Variants in ANKRD30B observed in about 807,000 individuals in gnomAD.
ANKRD30B encodes ankyrin repeat domain-containing protein 30B.
Under a neutral mutation model 202.2 loss-of-function variants are expected in ANKRD30B, and 144 were observed. That is an observed-to-expected ratio of 0.71 (90% CI 0.62 to 0.82). The LOEUF (loss-of-function observed/expected upper bound fraction) is 0.82, where lower values mean the gene tolerates loss of function less well. Ranked by LOEUF, ANKRD30B falls within the 40% of genes least tolerant of loss-of-function variation. ANKRD30B has a pLI of 0.00. For missense variants in ANKRD30B, 1,487 were observed against 1,669.1 expected (o/e 0.89, Z 1.90); for synonymous variants, 508 against 561.3 (o/e 0.91, Z 1.34).
the ANKRD30B span, among the ~76,000 whole-genome samples, chr18:14,921,171 C>G: frequency 7.3e-5 from 11 of 150,886 alleles, no homozygotes; most frequent in African/African-American, 2.7e-4. Context: ...TGTTTAGATA[C>G]AACTGCCTGT....
At chr18:14,765,466 A>G (rs1398442124) in intron 7 of ANKRD30B, among the ~76,000 whole-genome samples, 1 of 151,988 alleles carries the variant, frequency 6.6e-6, no homozygotes, top group Admixed American at 6.6e-5. Flanking sequence ...CCATCTGAAA[A>G]AAAAAAAAGA....
chr18:14,897,337 C>T, the ANKRD30B span, among the ~76,000 whole-genome samples: 4 of 152,064 alleles, frequency 2.6e-5, no homozygotes, highest in African/African-American at 7.2e-5. Flanking sequence ...TGCACCACCA[C>T]GCGCGCCTAA....
chr18:14,760,347 C>T (rs1319408412), intron 5 of ANKRD30B, among the ~76,000 whole-genome samples: 1 of 152,126 alleles, frequency 6.6e-6, no homozygotes, highest in Non-Finnish European at 1.5e-5. Context: ...GCCCTCAATT[C>T]ATGAGTATTT....
chr18:14,938,746 A>T, the ANKRD30B span, among the ~76,000 whole-genome samples: 715 of 152,302 alleles, frequency 4.7e-3, 8 homozygotes, highest in African/African-American at 0.016. Context: ...ATTGAAGATG[A>T]CTGTAAGAGG....
At chr18:14,903,040 C>T in the ANKRD30B span, among the ~76,000 whole-genome samples, 3 of 152,118 alleles carry the variant, frequency 2.0e-5, no homozygotes, top group Admixed American at 6.6e-5. Flanking sequence ...GGGCTAAAAT[C>T]GAGGTATTTT....
In ANKRD30B at chr18:14,748,446, C is replaced by T; in HGVS notation, c.27C>T (p.Gly9=). The part of the protein sequence containing the change: MKRLLAAA[G]KGVRGPEPPN... ...TGAAGAGGCTCTTAGCTGCCGCTGG[C>T]AAGGGCGTGCGGGGCCCGGAGCCCC... Residue 9 remains glycine, a synonymous_variant, in exon 1 of 44, where the codon GGC becomes GGT. Coordinates refer to ENST00000690538, the MANE Select transcript of ANKRD30B (RefSeq NM_001367607.2). The T allele has an allele frequency of 6.6e-7, 1 of 1,523,630 alleles. No homozygotes were observed. The highest frequency in any genetic ancestry group is 8.8e-7 in the Non-Finnish European group (1 of 1,133,170). The allele number at this position is 1,523,630 out of a possible 1,614,324, so 94.4% of individuals were successfully genotyped here. A position where few individuals can be genotyped will look rare whatever the true frequency, so the allele number is the denominator to read the frequency against.
chr18:14,848,968 T>A (rs773399194), intron 40 of ANKRD30B, 39 bp downstream of exon 40: 1 of 1,451,286 alleles, frequency 6.9e-7, no homozygotes, highest in East Asian at 2.5e-5. Flanking sequence ...TTCAACTATT[T>A]ATACTAAAAG....
intron 16 of ANKRD30B, among the ~76,000 whole-genome samples, chr18:14,795,991 T>C (rs1358069398): frequency 3.3e-5 from 5 of 152,154 alleles, no homozygotes; most frequent in Non-Finnish European, 7.3e-5. Context: ...ATTTTGATTG[T>C]TAAAATCTCC....
chr18:14,810,255 C>A, intron 28 of ANKRD30B, 75 bp downstream of exon 28: 4 of 950,586 alleles, frequency 4.2e-6, no homozygotes, highest in Admixed American at 3.1e-5. Flanking sequence ...GCCTTTTATT[C>A]CCAAAGTTGT....
At chr18:14,845,729 G>T (rs1470473878) in intron 39 of ANKRD30B, among the ~76,000 whole-genome samples, 1 of 151,960 alleles carries the variant, frequency 6.6e-6, no homozygotes, top group Non-Finnish European at 1.5e-5. Flanking sequence ...AACATAAATT[G>T]AATTCTCACA....
At chr18:14,843,873 CTG>C (rs985892245) in intron 39 of ANKRD30B, among the ~76,000 whole-genome samples, 3 of 152,022 alleles carry the variant, frequency 2.0e-5, no homozygotes, top group African/African-American at 4.8e-5. Context: ...TTTGGTAAAA[CTG>C]TGATTCTGAA....
chr18:14,909,054 G>A, the ANKRD30B span, among the ~76,000 whole-genome samples: 1 of 152,166 alleles, frequency 6.6e-6, no homozygotes, highest in East Asian at 1.9e-4. Flanking sequence ...AGCCTTTGTC[G>A]TCTGATGGGA....
At chr18:14,759,060 T>C (rs1329549141) in intron 5 of ANKRD30B, 1 of 152,204 alleles carries the variant, frequency 6.6e-6, no homozygotes. Flanking sequence ...TTTTAAAATC[T>C]TTTCAAATTC....
chr18:14,903,759 T>G, the ANKRD30B span: 2 of 152,216 alleles, frequency 1.3e-5, no homozygotes, highest in East Asian at 3.9e-4. Flanking sequence ...TAAGCCACCC[T>G]CTGTCTCTCT....
In ANKRD30B at chr18:14,748,526, TC is replaced by T. The variant is rs761758773; in HGVS notation, c.108del (p.Phe36LeufsTer4). The T allele has an allele frequency of 7.1e-5, 110 of 1,552,626 alleles. No homozygotes were observed. The highest frequency in any genetic ancestry group is 5.7e-5 in the Non-Finnish European group (65 of 1,147,548). On this transcript the variant is annotated frameshift_variant, in exon 1 of 44. Transcript: ENST00000690538. LOFTEE classifies it high-confidence loss of function. ...GAGAAGGACTACGGGACCATCTACT[TC>T]GGGGATCTAGGGAAGATCCATACAG... ...YTEKDYGTIY[F>X]GDLGKIHTAA...
chr18:14,909,975 T>C, the ANKRD30B span: 1 of 152,098 alleles, frequency 6.6e-6, no homozygotes, highest in Admixed American at 6.5e-5. Flanking sequence ...TGGAGCCATG[T>C]TCTATGGCAG....
At chr18:14,892,022 T>C in the ANKRD30B span, among the ~76,000 whole-genome samples, 1 of 152,228 alleles carries the variant, frequency 6.6e-6, no homozygotes, top group Non-Finnish European at 1.5e-5. Flanking sequence ...AAAACTGTAA[T>C]TACCTTTGCA....
intron 24 of ANKRD30B, 124 bp from the exon 25 acceptor site, chr18:14,808,427 A>G: frequency 2.8e-6 from 3 of 1,061,822 alleles, no homozygotes; most frequent in Non-Finnish European, 4.3e-6. Context: ...AAGACCCCAA[A>G]ACCTAGTGTA....
the ANKRD30B span, among the ~76,000 whole-genome samples, chr18:14,924,995 T>A: frequency 6.6e-6 from 1 of 152,228 alleles, no homozygotes; most frequent in Admixed American, 6.5e-5. Flanking sequence ...AGGGCAGTTA[T>A]GAGCACTGAA....
Sources: gnomAD v4.1 joint callset for allele counts (sites outside exome capture counted in the v4.1 genomes callset) on GRCh38, gnomAD v4.1.1 for gene constraint, MANE v1.5 for transcripts, NCBI Gene and HGNC (gene_info 2026-07-23, HGNC 2026-07-21) for gene names.